Variants in NKAIN2 observed in about 807,000 individuals in gnomAD.
NKAIN2 encodes sodium/potassium transporting ATPase interacting 2.
A neutral mutation model predicts 32.6 loss-of-function variants in NKAIN2; 14 were observed. That is an observed-to-expected ratio of 0.43 (90% CI 0.28 to 0.67). The LOEUF is 0.67. Ranked by LOEUF, NKAIN2 falls within the 30% of genes least tolerant of loss-of-function variation. The pLI is 0.17. For synonymous variants in NKAIN2, 80 were observed against 87.2 expected (o/e 0.92, Z 0.46); for missense variants, 198 against 258.3 (o/e 0.77, Z 1.60).
intron 1 of NKAIN2, among the ~76,000 whole-genome samples, chr6:124,118,312 A>T (rs1280266780): frequency 6.6e-6 from 1 of 152,198 alleles, no homozygotes; most frequent in Non-Finnish European, 1.5e-5. Context: ...AGGAAACAAC[A>T]CTAGGAAACT....
At chr6:124,421,558 G>A (rs956192060) in intron 3 of NKAIN2, among the ~76,000 whole-genome samples, 39 of 152,142 alleles carry the variant, frequency 2.6e-4, no homozygotes, top group Admixed American at 1.6e-3. Context: ...AGGTTCTACA[G>A]TAAATAAGTC....
At chr6:124,640,911 T>G (rs982392522) in intron 3 of NKAIN2, among the ~76,000 whole-genome samples, 7 of 152,216 alleles carry the variant, frequency 4.6e-5, no homozygotes, top group African/African-American at 1.4e-4. Context: ...TCTTCCTTGT[T>G]TTCCTTTTTT....
chr6:124,466,758 A>G (rs902166344), intron 3 of NKAIN2, among the ~76,000 whole-genome samples: 1 of 152,046 alleles, frequency 6.6e-6, no homozygotes, highest in Non-Finnish European at 1.5e-5. Context: ...AAGAAAAAAA[A>G]AAAAAGAAAT....
intron 1 of NKAIN2, among the ~76,000 whole-genome samples, chr6:123,975,282 C>T (rs892084154): frequency 1.4e-4 from 22 of 152,076 alleles, no homozygotes; most frequent in African/African-American, 4.8e-4. Flanking sequence ...AGGAAATTCT[C>T]AATTTTTATT....
intron 2 of NKAIN2, among the ~76,000 whole-genome samples, chr6:124,341,062 A>G (rs977668850): frequency 3.3e-5 from 5 of 152,274 alleles, no homozygotes; most frequent in African/African-American, 1.2e-4. Context: ...TGCCTGTTGG[A>G]TGTTCTAACA....
At chr6:124,018,261 G>C (rs1184044437) in intron 1 of NKAIN2, among the ~76,000 whole-genome samples, 3 of 152,140 alleles carry the variant, frequency 2.0e-5, no homozygotes, top group Admixed American at 2.0e-4. Context: ...GGGTTACTGA[G>C]ACCAGCCCAA....
chr6:124,580,212 T>C (rs1257126852), intron 3 of NKAIN2, among the ~76,000 whole-genome samples: 3 of 152,210 alleles, frequency 2.0e-5, no homozygotes, highest in African/African-American at 4.8e-5. Context: ...AACAGTATAC[T>C]TGTAGCATGT....
chr6:124,476,851 A>G (rs1777237198), intron 3 of NKAIN2, among the ~76,000 whole-genome samples: 1 of 152,148 alleles, frequency 6.6e-6, no homozygotes, highest in Non-Finnish European at 1.5e-5. Flanking sequence ...GTCCCACAGC[A>G]TATGAAAGGG....
intron 1 of NKAIN2, among the ~76,000 whole-genome samples, chr6:123,972,457 A>C (rs1778387156): frequency 6.6e-6 from 1 of 152,208 alleles, no homozygotes; most frequent in Non-Finnish European, 1.5e-5. Flanking sequence ...TACTGAGAAA[A>C]CTGGAGATAG....
At chr6:124,193,351 A>G (rs1032321355) in intron 1 of NKAIN2, among the ~76,000 whole-genome samples, 2 of 152,170 alleles carry the variant, frequency 1.3e-5, no homozygotes, top group African/African-American at 2.4e-5. Context: ...ATAGCCAGGT[A>G]TGCTGGCTGC....
intron 4 of NKAIN2, among the ~76,000 whole-genome samples, chr6:124,697,103 A>C (rs1162079273): frequency 2.6e-5 from 4 of 152,162 alleles, no homozygotes; most frequent in Admixed American, 2.0e-4. Context: ...TAAATCTTGA[A>C]AAGTTTTTAA....
At chr6:123,918,626 G>A (rs1263348704) in intron 1 of NKAIN2, among the ~76,000 whole-genome samples, 1 of 152,116 alleles carries the variant, frequency 6.6e-6, no homozygotes, top group African/African-American at 2.4e-5. Context: ...GTTTTTATGA[G>A]ATTAATATTT....
intron 2 of NKAIN2, among the ~76,000 whole-genome samples, chr6:124,339,599 A>C (rs987362317): frequency 6.6e-6 from 1 of 152,152 alleles, no homozygotes; most frequent in African/African-American, 2.4e-5. Context: ...TGTGTGTGAA[A>C]TAGGCATCTA....
chr6:124,446,107 G>C (rs1441025265), intron 3 of NKAIN2, among the ~76,000 whole-genome samples: 1 of 152,040 alleles, frequency 6.6e-6, no homozygotes, highest in Admixed American at 6.6e-5. Flanking sequence ...GTTCACCAAG[G>C]CATGGCAAGA....
At chr6:124,323,317 G>A (rs1345570773) in intron 2 of NKAIN2, among the ~76,000 whole-genome samples, 1 of 152,168 alleles carries the variant, frequency 6.6e-6, no homozygotes, top group East Asian at 1.9e-4. Context: ...TATGAATTAC[G>A]TTTTTGGTGT....
chr6:124,809,020 G>A (rs1335654219), intron 5 of NKAIN2, among the ~76,000 whole-genome samples: 1 of 152,154 alleles, frequency 6.6e-6, no homozygotes, highest in Non-Finnish European at 1.5e-5. Flanking sequence ...ATGCTCATGG[G>A]TAAGAAGAAT....
At chr6:124,158,927 G>A (rs991521515) in intron 1 of NKAIN2, among the ~76,000 whole-genome samples, 6 of 152,102 alleles carry the variant, frequency 3.9e-5, no homozygotes, top group East Asian at 1.9e-4. Context: ...TCTCCCAGCC[G>A]TGCCACGTAA....
intron 1 of NKAIN2, among the ~76,000 whole-genome samples, chr6:123,846,393 G>A (rs1775092476): frequency 6.6e-6 from 1 of 152,170 alleles, no homozygotes; most frequent in Non-Finnish European, 1.5e-5. Flanking sequence ...CCAGAACATT[G>A]AGCCAAGTAA....
intron 1 of NKAIN2, among the ~76,000 whole-genome samples, chr6:124,020,952 T>G (rs1780833027): frequency 6.6e-6 from 1 of 152,138 alleles, no homozygotes; most frequent in African/African-American, 2.4e-5. Flanking sequence ...TTATTTATGT[T>G]TGGTAGGACA....
Sources: allele counts gnomAD v4.1 joint callset (sites outside exome capture counted in the v4.1 genomes callset), GRCh38; gene constraint gnomAD v4.1.1; transcripts MANE v1.5; gene names NCBI Gene and HGNC (gene_info 2026-07-23, HGNC 2026-07-21).